The following ZNF569 variants were observed in gnomAD, a reference collection of about 807,000 sequenced individuals.
The protein encoded by ZNF569 is zinc finger protein 569.
A neutral mutation model predicts 56.3 loss-of-function variants in ZNF569; 38 were observed. The observed-to-expected ratio is 0.68, with a 90% CI of 0.52 to 0.88. The LOEUF is 0.88. Ranked by LOEUF, ZNF569 falls within the 40% of genes least tolerant of loss-of-function variation. ZNF569 has a pLI of 0.00. For missense variants in ZNF569, 666 were observed against 809.2 expected (o/e 0.82, Z 2.15); for synonymous variants, 241 against 262.9 (o/e 0.92, Z 0.81).
intron 3 of ZNF569, among the ~76,000 whole-genome samples, chr19:37,431,070 T>C (rs2041217995): frequency 1.3e-5 from 2 of 152,140 alleles, no homozygotes; most frequent in Non-Finnish European, 1.5e-5. Context: ...CTCACCACCA[T>C]GGGCTAAAGG....
rs2146890485 is a variant in ZNF569 at position 37,426,360 on chromosome 19, C to A, written c.34G>T (p.Asp12Tyr). The A allele has an allele frequency of 6.2e-7, 1 of 1,611,106 alleles. No individual in the cohort carries two copies. The highest frequency in any genetic ancestry group is 2.2e-5 in the East Asian group (1 of 44,850). ...TESQGTVTFK[D>Y]VAIDFTQEEW... Reference sequence around the variant, plus strand: ...TCCTGAGTGAAGTCGATAGCCACATCTTTGAATGTTACTGTTCCCTGTAAC... The same window carrying A: ...TCCTGAGTGAAGTCGATAGCCACATATTTGAATGTTACTGTTCCCTGTAAC... The change falls in exon 4 of 6, where the codon GAT becomes TAT. Residue 12 changes from aspartate (D) to tyrosine (Y), a missense_variant. Asp to Tyr is a radical substitution (Grantham distance 160). Transcript: ENST00000316950.
intron 3 of ZNF569, among the ~76,000 whole-genome samples, chr19:37,442,393 C>A (rs1015245373): frequency 6.6e-6 from 1 of 151,926 alleles, no homozygotes; most frequent in African/African-American, 2.4e-5. Flanking sequence ...CTGCTCAAAG[C>A]GGGGAAAGGT....
chr19:37,464,987 C>T (rs1377959253), intron 2 of ZNF569, among the ~76,000 whole-genome samples: 1 of 152,162 alleles, frequency 6.6e-6, no homozygotes, highest in African/African-American at 2.4e-5. Flanking sequence ...TTTGATCTGC[C>T]CTCCTCCCAT....
chr19:37,461,337 G>A (rs2041754699), intron 2 of ZNF569, among the ~76,000 whole-genome samples: 1 of 144,466 alleles, frequency 6.9e-6, no homozygotes, highest in Non-Finnish European at 1.5e-5. Flanking sequence ...TTTTGACAGA[G>A]TCTCACTCTG....
chr19:37,446,287 C>T (rs1487601846), intron 2 of ZNF569, among the ~76,000 whole-genome samples: 1 of 152,220 alleles, frequency 6.6e-6, no homozygotes, highest in South Asian at 2.1e-4. Context: ...TGGTGGCTCA[C>T]CCCTGTAATC....
At position 37,414,253 on chromosome 19, in the gene ZNF569, A is replaced by G. The variant is rs757554172; in HGVS notation, c.405T>C (p.Asn135=). The change falls in exon 6 of 6, where the codon AAT becomes AAC. Residue 135 remains asparagine (N), a synonymous_variant. Coordinates refer to ENST00000316950, the MANE Select transcript of ZNF569 (RefSeq NM_152484.3). ...LNSDFFPSRH[N]LYEYDLFGKC... Reference sequence around the variant, plus strand: ...TTCCAAATAAGTCATACTCATAGAGATTGTGTCTGGAAGGGAAAAAATCAG... The same window carrying G: ...TTCCAAATAAGTCATACTCATAGAGGTTGTGTCTGGAAGGGAAAAAATCAG... The G allele has an allele frequency of 1.1e-5, 18 of 1,613,442 alleles. No individual in the cohort carries two copies. The East Asian group carries it at 3.8e-4, about 34-fold the overall frequency.
rs1167090744 is a variant in ZNF569 at position 37,412,967 on chromosome 19, A to G, written c.1691T>C (p.Leu564Pro). 6.2e-7 allele frequency: 1 copy of G among 1,613,034 alleles called. No individual in the cohort carries two copies. Among genetic ancestry groups the G allele is most frequent in the African/African-American group, 1.3e-5 (1 of 74,722 alleles). Residue 564 changes from leucine to proline, a missense_variant, in exon 6 of 6, where the codon CTG (leucine) becomes CCG (proline). Physicochemically the swap from Leu to Pro is moderately conservative, Grantham distance 98 (BLOSUM62 -3). Coordinates refer to ENST00000316950, the MANE Select transcript of ZNF569 (RefSeq NM_152484.3). ...GTGACTTCTCATATGTAAATTAAGCAGTGAGCACTGAGAGAAGGCTTTACC... is the reference window on the plus strand; with the variant it reads ...GTGACTTCTCATATGTAAATTAAGCGGTGAGCACTGAGAGAAGGCTTTACC... ...KCGKAFSQCSLLNLHMRSHTG... is the reference protein window; with the variant it reads ...KCGKAFSQCSPLNLHMRSHTG...
rs1341093049 is a variant in ZNF569 at position 37,411,483 on chromosome 19, G to A, written c.*1114C>T. 1 of 151,864 alleles carries A rather than the reference G, an allele frequency of 6.6e-6. No individual in the cohort carries two copies. Among genetic ancestry groups the A allele is most frequent in the Non-Finnish European group, 1.5e-5 (1 of 67,918 alleles). The allele number at this position is 151,864 out of a possible 1,614,324, so 9.4% of individuals were successfully genotyped here. ...TAAAAATTTGTTATATCCAATTTTG[G>A]GCAATACAAACCATGATTCAGGAAC... On this transcript the variant is annotated 3_prime_UTR_variant, in exon 6 of 6. Transcript: ENST00000316950.
intron 5 of ZNF569, 112 bp downstream of exon 5, chr19:37,425,756 T>C: frequency 1.1e-6 from 1 of 929,108 alleles, no homozygotes; most frequent in Admixed American, 1.9e-5. Context: ...TGAACCACTG[T>C]GCCAACCTCT....
chr19:37,422,165 C>G (rs1016093490), intron 5 of ZNF569, among the ~76,000 whole-genome samples: 1 of 152,202 alleles, frequency 6.6e-6, no homozygotes, highest in African/African-American at 2.4e-5. Context: ...TAAGCTTAAT[C>G]ATTCCTAGCT....
chr19:37,419,914 AG>A (rs986336566), intron 5 of ZNF569, among the ~76,000 whole-genome samples: 1 of 150,536 alleles, frequency 6.6e-6, no homozygotes, highest in Non-Finnish European at 1.5e-5. Flanking sequence ...TGACTAATCA[AG>A]GGGGGATTAC....
chr19:37,443,451 A>G (rs752053804), intron 3 of ZNF569, among the ~76,000 whole-genome samples: 6 of 152,234 alleles, frequency 3.9e-5, no homozygotes, highest in Non-Finnish European at 7.3e-5. Flanking sequence ...CTGAGAGTGT[A>G]GGATAAATCT....
rs751775417 is a variant in ZNF569, at chr19:37,414,127, G to A, written c.531C>T (p.Ser177=). 3 of 1,613,752 alleles carry A rather than the reference G, an allele frequency of 1.9e-6. No individual in the cohort carries two copies. Among genetic ancestry groups the A allele is most frequent in the Non-Finnish European group, 1.7e-6 (2 of 1,179,890 alleles). The part of the protein sequence containing the change: ...YNEPVKSYGN[S]SSHFVITPFK... The stretch of plus-strand genomic sequence containing the variant: ...AGGGGGTAATGACAAAATGGGATGA[G>A]CTATTACCATATGATTTCACAGGTT... The change falls in exon 6 of 6, where the codon AGC becomes AGT. Residue 177 remains serine, a synonymous_variant. Transcript: ENST00000316950.
At chr19:37,415,330 A>C (rs2146856251) in intron 5 of ZNF569, among the ~76,000 whole-genome samples, 1 of 152,282 alleles carries the variant, frequency 6.6e-6, no homozygotes, top group Non-Finnish European at 1.5e-5. Context: ...TCAAGTAATC[A>C]TTTCTGTAGA....
At position 37,413,067 on chromosome 19, in the gene ZNF569, A is replaced by C; in HGVS notation, c.1591T>G (p.Phe531Val). ...PYDCNECGKA[F>V]SQIASLTLHL... The stretch of plus-strand genomic sequence containing the variant: ...AGGGTAAGGGATGCAATTTGAGAGA[A>C]GGCTTTACCACATTCATTACAATCA... The change falls in exon 6 of 6, where the codon TTC becomes GTC. Residue 531 changes from phenylalanine (F) to valine (V), a missense_variant. Coordinates refer to ENST00000316950, the MANE Select transcript of ZNF569 (RefSeq NM_152484.3). The C allele has an allele frequency of 6.2e-7, 1 of 1,614,030 alleles. No individual in the cohort carries two copies. Among genetic ancestry groups the C allele is most frequent in the South Asian group, 1.1e-5 (1 of 91,064 alleles).
intron 3 of ZNF569, among the ~76,000 whole-genome samples, chr19:37,436,133 A>G (rs2041305646): frequency 6.6e-6 from 1 of 152,222 alleles, no homozygotes; most frequent in Non-Finnish European, 1.5e-5. Context: ...TTAAAATTAT[A>G]TAAGATATCT....
At chr19:37,455,843 G>A (rs2041662719) in intron 2 of ZNF569, among the ~76,000 whole-genome samples, 1 of 152,098 alleles carries the variant, frequency 6.6e-6, no homozygotes. Flanking sequence ...CTTATATAAG[G>A]GCACCCACTG....
intron 3 of ZNF569, among the ~76,000 whole-genome samples, chr19:37,438,379 C>T (rs916973197): frequency 6.6e-6 from 1 of 152,144 alleles, no homozygotes; most frequent in Non-Finnish European, 1.5e-5. Context: ...GAGCAAGATC[C>T]TGTCACAAAC....
upstream of ZNF569, chr19:37,469,074 G>A (rs1037162576): frequency 3.3e-5 from 34 of 1,016,338 alleles, no homozygotes; most frequent in Non-Finnish European, 4.0e-5. Flanking sequence ...TTCCACACCA[G>A]CCCGTGTAGT....
Sources: allele counts gnomAD v4.1 joint callset (sites outside exome capture counted in the v4.1 genomes callset), GRCh38; gene constraint gnomAD v4.1.1; transcripts MANE v1.5; gene names NCBI Gene and HGNC (gene_info 2026-07-23, HGNC 2026-07-21).